The following KIAA0319L variants were observed in gnomAD, a reference collection of about 807,000 sequenced individuals.
The protein encoded by KIAA0319L is dyslexia-associated protein KIAA0319-like protein.
Under a neutral mutation model 120.1 loss-of-function variants are expected in KIAA0319L, and 55 were observed. That is an observed-to-expected ratio of 0.46 (90% confidence interval 0.37 to 0.57). The LOEUF is 0.57. KIAA0319L is among the 20% of genes least tolerant of loss of function. The probability of loss-of-function intolerance (pLI) is 0.00; values close to 1 mark genes in which losing one functional copy is unlikely to be tolerated. For synonymous variants in KIAA0319L, 398 were observed against 471.9 expected, an observed-to-expected ratio of 0.84 and a Z score of 2.03; for missense variants, 1,049 against 1,255.3, an observed-to-expected ratio of 0.84 and a Z score of 2.48.
intron 2 of KIAA0319L, among the ~76,000 whole-genome samples, chr1:35,547,996 C>T (rs543699929): frequency 6.6e-6 from 1 of 152,102 alleles, no homozygotes; most frequent in Non-Finnish European, 1.5e-5. Context: ...TGGTGCACCC[C>T]TGTAGTCCCA....
At chr1:35,475,617 A>C (rs1473697381) in intron 4 of KIAA0319L, among the ~76,000 whole-genome samples, 1 of 152,134 alleles carries the variant, frequency 6.6e-6, no homozygotes, top group Non-Finnish European at 1.5e-5. Flanking sequence ...CTGGGACTAC[A>C]GGCATGCACC....
chr1:35,551,074 T>A (rs931689689), intron 2 of KIAA0319L, among the ~76,000 whole-genome samples: 7 of 152,156 alleles, frequency 4.6e-5, no homozygotes, highest in African/African-American at 1.7e-4. Flanking sequence ...AAAATATGAA[T>A]TTTTTTAGGG....
chr1:35,533,435 G>A lies in KIAA0319L; in HGVS notation c.142+20915C>T, dbSNP rs1379750960. The A allele has an allele frequency of 2.0e-5, 3 of 152,266 alleles. No homozygotes were observed. In the East Asian group the frequency reaches 5.8e-4, roughly 29 times the overall value. The allele number at this position is 152,266 out of a possible 1,614,324, so 9.4% of individuals were successfully genotyped here. Reference sequence around the variant, plus strand: ...TTGATAAATTCTTCTCTTCGGTGGGGTTTTCGCTGCAGAAACAAATACATG... The same window carrying A: ...TTGATAAATTCTTCTCTTCGGTGGGATTTTCGCTGCAGAAACAAATACATG... On this transcript the variant is annotated intron_variant, in intron 2 of 20. Coordinates refer to ENST00000325722, the MANE Select transcript of KIAA0319L (RefSeq NM_024874.5).
At chr1:35,472,747 A>G (rs1393608285) in intron 5 of KIAA0319L, among the ~76,000 whole-genome samples, 1 of 152,052 alleles carries the variant, frequency 6.6e-6, no homozygotes, top group African/African-American at 2.4e-5. Context: ...TAAAGGTGGA[A>G]GAACCTGGAG....
intron 12 of KIAA0319L, 122 bp from the exon 13 acceptor site, chr1:35,451,898 A>T: frequency 1.0e-6 from 1 of 991,504 alleles, no homozygotes; most frequent in Non-Finnish European, 1.5e-6. Flanking sequence ...CCAGACCTTG[A>T]CAAGACATGT....
intron 3 of KIAA0319L, among the ~76,000 whole-genome samples, chr1:35,500,378 T>C (rs752959652): frequency 2.0e-5 from 3 of 152,298 alleles, no homozygotes; most frequent in Admixed American, 6.5e-5. Context: ...CAGAGGTTCA[T>C]GGTACAGAAA....
At chr1:35,481,814 CTTTTTTTTTTTTTTTT>C (rs747721221) in intron 3 of KIAA0319L, among the ~76,000 whole-genome samples, 3 of 48,946 alleles carry the variant, frequency 6.1e-5, no homozygotes, top group East Asian at 5.4e-4. Context: ...TCTGCTGTTT[CTTTTTTTTTTTTTTTT>C]TTTTTTTTTT....
Position 35,479,050 on chromosome 1 carries a change from C to T in KIAA0319L, c.829G>A (p.Val277Ile). 6.2e-7 allele frequency: 1 copy of T among 1,614,094 alleles called. No homozygotes were observed. Among genetic ancestry groups the T allele is most frequent in the Non-Finnish European group, 8.5e-7 (1 of 1,180,000 alleles). Residue 277 changes from valine to isoleucine, a missense_variant, in exon 4 of 21, where the codon GTC (valine) becomes ATC (isoleucine). Val to Ile is a conservative substitution (Grantham distance 29). Transcript: ENST00000325722. The stretch of plus-strand genomic sequence containing the variant: ...TAGGAGGGAGCCACTGGCTGGGGGA[C>T]AGCAATCTGGGTTTTCTCAGAACTT... Reference protein sequence around the residue: ...VKSSEKTQIAVPQPVAPSYSY... With the variant: ...VKSSEKTQIAIPQPVAPSYSY...
chr1:35,500,283 T>C (rs1450524830), intron 3 of KIAA0319L, among the ~76,000 whole-genome samples: 9 of 152,226 alleles, frequency 5.9e-5, no homozygotes, highest in African/African-American at 2.4e-5. Context: ...TCTTATAATG[T>C]ACACAATTAA....
chr1:35,485,153 T>TA (rs1644340614), intron 3 of KIAA0319L, among the ~76,000 whole-genome samples: 1 of 152,130 alleles, frequency 6.6e-6, no homozygotes, highest in African/African-American at 2.4e-5. Flanking sequence ...GGTTGAAAAC[T>TA]AGAGGCTTCA....
intron 5 of KIAA0319L, among the ~76,000 whole-genome samples, chr1:35,472,439 G>A (rs974037211): frequency 2.0e-5 from 3 of 152,162 alleles, no homozygotes; most frequent in East Asian, 1.9e-4. Flanking sequence ...TTACAGGCAC[G>A]TACCACCACG....
At chr1:35,497,771 C>A (rs1347890217) in intron 3 of KIAA0319L, among the ~76,000 whole-genome samples, 1 of 152,104 alleles carries the variant, frequency 6.6e-6, no homozygotes. Context: ...GTCCATTTTC[C>A]CCTCATTAGA....
chr1:35,463,673 A>G (rs954165763), intron 7 of KIAA0319L, among the ~76,000 whole-genome samples: 3 of 152,220 alleles, frequency 2.0e-5, no homozygotes, highest in Non-Finnish European at 4.4e-5. Context: ...CAAGGAATGA[A>G]AAGAAAATCT....
intron 2 of KIAA0319L, among the ~76,000 whole-genome samples, chr1:35,548,351 C>A (rs1015327067): frequency 1.3e-5 from 2 of 152,140 alleles, no homozygotes; most frequent in South Asian, 2.1e-4. Flanking sequence ...TCCACAATTA[C>A]CACTTTTCTA....
At chr1:35,440,705 T>A (rs1641141030) in intron 20 of KIAA0319L, 1 of 283,774 alleles carries the variant, frequency 3.5e-6, no homozygotes, top group Non-Finnish European at 6.8e-6. Context: ...CACAGACTGG[T>A]CAGCAGTAAG....
At position 35,437,505 on chromosome 1, in the gene KIAA0319L, T is replaced by C. The variant is rs1640885041; in HGVS notation, c.2963-2424A>G. On this transcript the variant is annotated intron_variant, in intron 20 of 20. Coordinates refer to ENST00000325722, the MANE Select transcript of KIAA0319L (RefSeq NM_024874.5). This position sits in a 1 kb window ranked among gnomAD's most constrained non-coding sequence, Gnocchi z 4.1. ...CACTGCTCAGCTTCTAAAAGGATTT[T>C]TAAATATTCAGGGCCTTCATCTCCT... Among the ~76,000 whole-genome samples, 1 of 152,206 alleles carries C rather than the reference T, an allele frequency of 6.6e-6. No individual in the cohort carries two copies. The highest frequency in any genetic ancestry group is 2.1e-4 in the South Asian group (1 of 4,836).
chr1:35,524,369 T>C (rs1263303045), intron 2 of KIAA0319L, among the ~76,000 whole-genome samples: 1 of 152,114 alleles, frequency 6.6e-6, no homozygotes, highest in African/African-American at 2.4e-5. Context: ...GCTATACAAT[T>C]ATCGGGGTAT....
At chr1:35,553,631 G>A (rs1315301288) in intron 2 of KIAA0319L, among the ~76,000 whole-genome samples, 1 of 152,208 alleles carries the variant, frequency 6.6e-6, no homozygotes, top group Non-Finnish European at 1.5e-5. Flanking sequence ...GGCCAGAATG[G>A]CAGCATACAC....
chr1:35,455,865 C>A (rs1642410662), intron 10 of KIAA0319L, 148 bp downstream of exon 10: 1 of 673,616 alleles, frequency 1.5e-6, no homozygotes, highest in Non-Finnish European at 2.6e-6. Flanking sequence ...AGGCGTGAGC[C>A]ACCATACCCG....
Sources: allele counts gnomAD v4.1 joint callset (sites outside exome capture counted in the v4.1 genomes callset), GRCh38; gene constraint gnomAD v4.1.1; non-coding constraint Gnocchi (gnomAD v3.1); transcripts MANE v1.5; gene names NCBI Gene and HGNC (gene_info 2026-07-23, HGNC 2026-07-21).